KANK1: variants seen among roughly 807,000 people sequenced by gnomAD.
The protein encoded by KANK1 is KN motif and ankyrin repeat domains 1.
Under a neutral mutation model 106.2 loss-of-function variants are expected in KANK1, and 109 were observed. The observed-to-expected ratio is 1.03, with a 90% confidence interval of 0.88 to 1.20. The LOEUF is 1.20. Among genes scored for constraint, KANK1 ranks in the 50% most tolerant of loss-of-function variants. The pLI, the probability that KANK1 is intolerant of heterozygous loss-of-function variation, is 0.00. For missense variants in KANK1, 2,399 were observed against 1,710.7 expected (o/e 1.40, Z -7.10); for synonymous variants, 873 against 652.2 (o/e 1.34, Z -5.16).
chr9:742,076 G>A lies in KANK1; in HGVS notation c.3697-129G>A, dbSNP rs189028356. 127 of 775,814 alleles carry A rather than the reference G, an allele frequency of 1.6e-4. 3 individuals are homozygous for A. The African/African-American group carries it at 2.0e-3, about 12-fold the overall frequency. The allele number at this position is 775,814 out of a possible 1,614,324, so 48.1% of individuals were successfully genotyped here. On this transcript the variant is annotated intron_variant, in intron 9 of 11. Coordinates refer to ENST00000382297, the MANE Select transcript of KANK1 (RefSeq NM_015158.5). ...CCCTGCTTGCCACCACCTGCCCCAA[G>A]TAGTTCCATCGCCAGTTCTTTCCCT...
intron 1 of KANK1, among the ~76,000 whole-genome samples, chr9:580,680 A>C (rs1821857283): frequency 6.6e-6 from 1 of 152,270 alleles, no homozygotes; most frequent in Non-Finnish European, 1.5e-5. Context: ...CCAAGTGCCC[A>C]CTAGACTCAG....
At chr9:509,997 A>G (rs1587361023) in intron 1 of KANK1, among the ~76,000 whole-genome samples, 1 of 149,830 alleles carries the variant, frequency 6.7e-6, no homozygotes. Context: ...TTAGTTGTAG[A>G]GATGGGGTCT....
chr9:698,844 G>C (rs1039200685), intron 2 of KANK1, among the ~76,000 whole-genome samples: 1 of 152,174 alleles, frequency 6.6e-6, no homozygotes, highest in Non-Finnish European at 1.5e-5. Context: ...TTAATCTCCA[G>C]CATCTAGCCA....
chr9:717,285 A>G (rs1827983585), intron 3 of KANK1, among the ~76,000 whole-genome samples: 1 of 152,132 alleles, frequency 6.6e-6, no homozygotes, highest in Admixed American at 6.5e-5. Context: ...CTGTCTCAAA[A>G]AAAGAAAAGA....
intron 2 of KANK1, 110 bp downstream of exon 2, chr9:677,119 AT>A (rs1472269511): frequency 1.0e-6 from 1 of 966,772 alleles, no homozygotes; most frequent in Non-Finnish European, 1.6e-6. Context: ...GATAACTAGG[AT>A]TTCAAAGCAA....
upstream of KANK1, among the ~76,000 whole-genome samples, chr9:500,246 C>T (rs926466156): frequency 2.0e-5 from 3 of 152,184 alleles, no homozygotes; most frequent in South Asian, 4.1e-4. Flanking sequence ...ACGTGTCAAA[C>T]ATCTCTCATG....
intron 3 of KANK1, among the ~76,000 whole-genome samples, chr9:488,199 A>T (rs531605895): frequency 6.6e-6 from 1 of 152,248 alleles, no homozygotes; most frequent in African/African-American, 2.4e-5. Context: ...TTCTTGGGTA[A>T]TGTGTATGCA....
At chr9:575,408 C>T (rs1403002928) in intron 1 of KANK1, among the ~76,000 whole-genome samples, 1 of 151,890 alleles carries the variant, frequency 6.6e-6, no homozygotes, top group Non-Finnish European at 1.5e-5. Context: ...TGGCTCTTGC[C>T]TGTAATTCCA....
intron 1 of KANK1, among the ~76,000 whole-genome samples, chr9:594,582 T>C (rs2135656370): frequency 6.6e-6 from 1 of 151,984 alleles, no homozygotes; most frequent in Non-Finnish European, 1.5e-5. Context: ...AAGTCTTAAA[T>C]AGTTAATAAG....
intron 1 of KANK1, among the ~76,000 whole-genome samples, chr9:548,653 G>A (rs1478058455): frequency 5.9e-5 from 9 of 152,138 alleles, no homozygotes; most frequent in Admixed American, 2.0e-4. Flanking sequence ...GTATTTTTAT[G>A]TGTGTATAGA....
intron 1 of KANK1, among the ~76,000 whole-genome samples, chr9:654,036 A>T (rs1841525377): frequency 6.6e-6 from 1 of 152,232 alleles, no homozygotes; most frequent in Admixed American, 6.5e-5. Flanking sequence ...CACATGAAAG[A>T]CACAAACTGA....
At chr9:560,156 C>T (rs1217586202) in intron 1 of KANK1, among the ~76,000 whole-genome samples, 8 of 152,172 alleles carry the variant, frequency 5.3e-5, no homozygotes, top group Non-Finnish European at 4.4e-5. Flanking sequence ...TTCTCAAGAA[C>T]AAGCCTTTCT....
intron 1 of KANK1, among the ~76,000 whole-genome samples, chr9:676,249 C>T (rs985279858): frequency 6.6e-6 from 1 of 152,078 alleles, no homozygotes; most frequent in Non-Finnish European, 1.5e-5. Context: ...TTATCTAGCC[C>T]CTACTCAAGA....
intron 1 of KANK1, among the ~76,000 whole-genome samples, chr9:577,428 G>GT (rs1242286272): frequency 4.6e-5 from 7 of 152,136 alleles, no homozygotes; most frequent in Non-Finnish European, 1.0e-4. Context: ...TGATTGGTGC[G>GT]TTTTTACAGA....
intron 2 of KANK1, among the ~76,000 whole-genome samples, chr9:695,393 A>G (rs920720274): frequency 6.6e-6 from 1 of 151,984 alleles, no homozygotes; most frequent in Admixed American, 6.6e-5. Flanking sequence ...TTTTGCTTTT[A>G]TTTCCTTCCT....
chr9:692,457 T>C (rs1283344531), intron 2 of KANK1, among the ~76,000 whole-genome samples: 7 of 151,276 alleles, frequency 4.6e-5, no homozygotes, highest in Non-Finnish European at 7.4e-5. Context: ...CATATTACTT[T>C]ACACAACAAG....
intron 1 of KANK1, among the ~76,000 whole-genome samples, chr9:638,205 A>G (rs1296353166): frequency 2.0e-5 from 3 of 152,210 alleles, no homozygotes; most frequent in African/African-American, 7.2e-5. Context: ...GTGGCTTATG[A>G]TAGAATTCCT....
intron 1 of KANK1, among the ~76,000 whole-genome samples, chr9:581,797 G>A (rs1222706083): frequency 1.3e-5 from 2 of 152,126 alleles, no homozygotes; most frequent in African/African-American, 2.4e-5. Context: ...AGTCCCTACT[G>A]CTTCTGGGCT....
intron 1 of KANK1, among the ~76,000 whole-genome samples, chr9:606,746 T>C (rs1046566615): frequency 6.6e-6 from 1 of 151,534 alleles, no homozygotes; most frequent in Non-Finnish European, 1.5e-5. Context: ...AGTAGAATTT[T>C]TATCTGTTTG....
Sources: allele counts gnomAD v4.1 joint callset (sites outside exome capture counted in the v4.1 genomes callset), GRCh38; gene constraint gnomAD v4.1.1; transcripts MANE v1.5; gene names NCBI Gene and HGNC (gene_info 2026-07-23, HGNC 2026-07-21).